The following SLC25A27 variants were observed in gnomAD, a reference collection of about 807,000 sequenced individuals.
SLC25A27 encodes the protein mitochondrial uncoupling protein 4.
A neutral mutation model predicts 49.1 loss-of-function variants in SLC25A27; 35 were observed. That is an observed-to-expected ratio of 0.71 (90% CI 0.54 to 0.95). The LOEUF is 0.95. Among genes scored for constraint, SLC25A27 ranks in the 40% least tolerant of loss-of-function variants. The pLI is 0.00. For missense variants in SLC25A27, 339 were observed against 397.1 expected (o/e 0.85, Z 1.24); for synonymous variants, 144 against 136.9 (o/e 1.05, Z -0.36).
intron 1 of SLC25A27, among the ~76,000 whole-genome samples, chr6:46,655,299 T>C (rs927035249): frequency 3.3e-5 from 5 of 152,194 alleles, no homozygotes; most frequent in Non-Finnish European, 4.4e-5. Context: ...CACGAAATTA[T>C]AGAGTTCAGC....
Position 46,676,611 on chromosome 6 carries a change from C to G in SLC25A27, c.*157C>G. On this transcript the variant is annotated 3_prime_UTR_variant, in exon 9 of 9. Coordinates refer to ENST00000371347, the MANE Select transcript of SLC25A27 (RefSeq NM_004277.5). ...GCAGCACTTTATTTTTTTCTGGAAACCCAAGTTCTCTTTGACTCCTCTTTT... is the reference window on the plus strand; with the variant it reads ...GCAGCACTTTATTTTTTTCTGGAAAGCCAAGTTCTCTTTGACTCCTCTTTT... 6.4e-7 allele frequency: 1 copy of G among 1,552,606 alleles called. No homozygotes were observed.
chr6:46,676,032 A>C (rs974537316), intron 8 of SLC25A27, among the ~76,000 whole-genome samples: 1 of 152,160 alleles, frequency 6.6e-6, no homozygotes, highest in Admixed American at 6.5e-5. Context: ...TTAGCCAGTA[A>C]TGGTTCAATA....
intron 7 of SLC25A27, 73 bp downstream of exon 7, chr6:46,670,300 G>C (rs916770356): frequency 1.0e-6 from 1 of 957,432 alleles, no homozygotes; most frequent in Non-Finnish European, 1.6e-6. Flanking sequence ...ATGCATCTCT[G>C]CATTTTTTAT....
intron 4 of SLC25A27, among the ~76,000 whole-genome samples, chr6:46,663,054 T>TC (rs1763212238): frequency 6.6e-6 from 1 of 152,210 alleles, no homozygotes; most frequent in African/African-American, 2.4e-5. Context: ...GCCCTCTTTT[T>TC]CCCTAATATG....
rs750680826 is a variant in SLC25A27 at position 46,653,203 on chromosome 6, CGGA to C, written c.22_24del (p.Glu8del). On this transcript the variant is annotated inframe_deletion, in exon 1 of 9. Transcript: ENST00000371347. ...TTGCGCTACTGCTGAATGTCCGTCCCGGAGGAGGAGGAGAGGCTTTTGCCGCTG... is the reference window on the plus strand; with the variant it reads ...TTGCGCTACTGCTGAATGTCCGTCCCGGAGGAGGAGAGGCTTTTGCCGCTG... 8.1e-6 allele frequency: 13 copies of C among 1,613,200 alleles called. No homozygotes were observed. Among genetic ancestry groups the C allele is most frequent in the South Asian group, 5.5e-5 (5 of 90,988 alleles).
intron 5 of SLC25A27, among the ~76,000 whole-genome samples, chr6:46,666,328 G>A (rs1763324180): frequency 6.6e-6 from 1 of 152,110 alleles, no homozygotes; most frequent in Non-Finnish European, 1.5e-5. Context: ...TTGAAGGCAA[G>A]GACTGTGTTT....
intron 5 of SLC25A27, among the ~76,000 whole-genome samples, chr6:46,666,685 C>T (rs1763336574): frequency 6.6e-6 from 1 of 152,166 alleles, no homozygotes; most frequent in African/African-American, 2.4e-5. Flanking sequence ...ATATCTCAAG[C>T]ACATTACTTT....
intron 2 of SLC25A27, among the ~76,000 whole-genome samples, chr6:46,658,080 A>G (rs749089085): frequency 1.2e-4 from 18 of 152,248 alleles, no homozygotes; most frequent in Non-Finnish European, 2.6e-4. Context: ...GAAGCATGAA[A>G]GGATCCTTGA....
chr6:46,665,998 C>T (rs1023124636), intron 5 of SLC25A27, among the ~76,000 whole-genome samples: 4 of 152,194 alleles, frequency 2.6e-5, no homozygotes, highest in Admixed American at 2.0e-4. Flanking sequence ...GAGAACTAAG[C>T]AATTCATTGA....
At chr6:46,670,327 G>T (rs1763480968) in intron 7 of SLC25A27, 100 bp downstream of exon 7, 1 of 804,794 alleles carries the variant, frequency 1.2e-6, no homozygotes, top group African/African-American at 1.8e-5. Flanking sequence ...AAATGTATTT[G>T]TGTGTTTTTT....
At chr6:46,666,102 C>G (rs1050059858) in intron 5 of SLC25A27, among the ~76,000 whole-genome samples, 1 of 152,104 alleles carries the variant, frequency 6.6e-6, no homozygotes, top group Non-Finnish European at 1.5e-5. Context: ...CTGTCCTTTT[C>G]CCTCCTCTCC....
chr6:46,666,572 G>T (rs1212199864), intron 5 of SLC25A27, among the ~76,000 whole-genome samples: 2 of 152,036 alleles, frequency 1.3e-5, no homozygotes, highest in Non-Finnish European at 2.9e-5. Flanking sequence ...TTGATTTTCA[G>T]AAAATCTTTA....
At chr6:46,662,620 C>A in intron 4 of SLC25A27, 122 bp downstream of exon 4, 3 of 1,040,644 alleles carry the variant, frequency 2.9e-6, no homozygotes, top group Non-Finnish European at 4.3e-6. Context: ...CTTTTTTAAT[C>A]TGGAAGTTCA....
rs1216390529 is a variant in SLC25A27 at position 46,677,282 on chromosome 6, T to G, written c.*828T>G. ...TCAAGAGTTGTAATATATTAAGAAC[T>G]ACAACTTATTTGATTAAAACTCAGC... is the stretch of plus-strand genomic sequence containing the variant. On this transcript the variant is annotated 3_prime_UTR_variant, in exon 9 of 9. Transcript: ENST00000371347. 1 of 152,402 alleles carries G rather than the reference T, an allele frequency of 6.6e-6. No individual in the cohort carries two copies. Among genetic ancestry groups the G allele is most frequent in the African/African-American group, 2.4e-5 (1 of 41,476 alleles). The allele number at this position is 152,402 out of a possible 1,614,324, so 9.4% of individuals were successfully genotyped here.
chr6:46,656,159 G>A, intron 2 of SLC25A27, 125 bp downstream of exon 2: 1 of 664,402 alleles, frequency 1.5e-6, no homozygotes, highest in Non-Finnish European at 2.4e-6. Flanking sequence ...AACACATACA[G>A]CACATAGTCT....
chr6:46,671,555 T>C (rs866927946), intron 8 of SLC25A27, among the ~76,000 whole-genome samples: 1 of 152,104 alleles, frequency 6.6e-6, no homozygotes, highest in African/African-American at 2.4e-5. Flanking sequence ...TTAGAATATA[T>C]ATACAGATTT....
At chr6:46,671,003 T>A (rs982498020) in intron 7 of SLC25A27, 123 bp from the exon 8 acceptor site, 14 of 631,350 alleles carry the variant, frequency 2.2e-5, no homozygotes, top group African/African-American at 7.8e-5. Context: ...GTGCTGGGAT[T>A]ACAGGCGTAA....
chr6:46,668,365 T>C (rs1254720259), intron 5 of SLC25A27, among the ~76,000 whole-genome samples: 1 of 152,178 alleles, frequency 6.6e-6, no homozygotes, highest in African/African-American at 2.4e-5. Flanking sequence ...TGTAGAATAA[T>C]AGTCAGGACC....
At position 46,671,113 on chromosome 6, in the gene SLC25A27, G is replaced by A; in HGVS notation, c.798-13G>A. The A allele has an allele frequency of 2.6e-6, 4 of 1,520,456 alleles. No individual in the cohort carries two copies. Among genetic ancestry groups the A allele is most frequent in the South Asian group, 2.4e-5 (2 of 83,230 alleles). 94.2% of individuals were successfully genotyped at this position (1,520,456 alleles called of 1,614,324 possible). On this transcript the variant is annotated splice_polypyrimidine_tract_variant and intron_variant, in intron 7 of 8. Transcript: ENST00000371347. ...CACAGAAAAAAATTAAAAGGATCTT[G>A]TTTCCTTTTTAGGGGACTTTTGTAT... is the stretch of plus-strand genomic sequence containing the variant.
Sources: gnomAD v4.1 joint callset for allele counts (sites outside exome capture counted in the v4.1 genomes callset) on GRCh38, gnomAD v4.1.1 for gene constraint, MANE v1.5 for transcripts, NCBI Gene and HGNC (gene_info 2026-07-23, HGNC 2026-07-21) for gene names.